Variants in DOCK9 observed in about 807,000 individuals in gnomAD.
The protein encoded by DOCK9 is dedicator of cytokinesis 9, also known as dedicator of cytokinesis protein 9.
Under a neutral mutation model 263.3 loss-of-function variants are expected in DOCK9, and 89 were observed. The ratio of observed to expected loss-of-function variants is 0.34; its 90% CI spans 0.28 to 0.40. DOCK9 has a LOEUF of 0.40. Among genes scored for constraint, DOCK9 ranks in the 10% least tolerant of loss-of-function variants. The probability of loss-of-function intolerance (pLI) is 1.00; values close to 1 mark genes in which losing one functional copy is unlikely to be tolerated. For synonymous variants in DOCK9, 976 were observed against 973.1 expected, an observed-to-expected ratio of 1.00 and a Z score of -0.06; for missense variants, 2,140 against 2,603.4, an observed-to-expected ratio of 0.82 and a Z score of 3.87.
Position 98,825,164 on chromosome 13 carries a change from G to T in DOCK9, c.5024-660C>A, listed in dbSNP as rs1179409040. ...AGCTTAGAGGCAGGATCAATGTCTGGGATAAGGATGTGTTTCTTAAGCAAT... is the reference window on the plus strand; with the variant it reads ...AGCTTAGAGGCAGGATCAATGTCTGTGATAAGGATGTGTTTCTTAAGCAAT... On this transcript the variant is annotated intron_variant, in intron 44 of 52. Transcript: ENST00000682017. The surrounding 1 kb of genome is among the most constrained non-coding windows in gnomAD (Gnocchi z 4.1). Among the ~76,000 whole-genome samples, 1 of 152,166 alleles carries T rather than the reference G, an allele frequency of 6.6e-6. No homozygotes were observed. Among genetic ancestry groups the T allele is most frequent in the Non-Finnish European group, 1.5e-5 (1 of 68,028 alleles).
At chr13:98,978,070 G>A (rs1875729898), upstream of DOCK9, 4 of 1,422,078 alleles carry the variant, frequency 2.8e-6, no homozygotes, top group Admixed American at 5.9e-5. Flanking sequence ...AGCCTGTGGG[G>A]TGGGAAGGCA....
intron 18 of DOCK9, among the ~76,000 whole-genome samples, chr13:98,887,217 G>A (rs1482258703): frequency 7.1e-6 from 1 of 141,056 alleles, no homozygotes; most frequent in Non-Finnish European, 1.5e-5. Flanking sequence ...CATAGTCACA[G>A]TAAAACAATT....
At chr13:99,072,477 C>A (rs1292974570) in intron 1 of DOCK9, among the ~76,000 whole-genome samples, 1 of 152,120 alleles carries the variant, frequency 6.6e-6, no homozygotes, top group Admixed American at 6.6e-5. Context: ...TTCCTGACTT[C>A]GGGGACAAAG....
intron 1 of DOCK9, among the ~76,000 whole-genome samples, chr13:99,014,457 C>A (rs1007929351): frequency 5.3e-5 from 8 of 152,170 alleles, no homozygotes; most frequent in Non-Finnish European, 4.4e-5. Flanking sequence ...CCACATATTG[C>A]GAGTGCTAAC....
rs1433905966 is a variant in DOCK9 at position 98,897,389 on chromosome 13, T to A, written c.1709+99A>T. On this transcript the variant is annotated intron_variant, in intron 15 of 52. Coordinates refer to ENST00000682017, the MANE Select transcript of DOCK9 (RefSeq NM_001366683.2). ...CACGCTCATTTGCCATCCCCTCTGA[T>A]GTCTAAATCGAGCAACCTAAGTGAC... The A allele has an allele frequency of 7.6e-6, 11 of 1,452,218 alleles. No homozygotes were observed. In the East Asian group the frequency reaches 2.3e-4, roughly 31 times the overall value. 90.0% of individuals were successfully genotyped at this position (1,452,218 alleles called of 1,614,324 possible).
At position 98,797,851 on chromosome 13, in the gene DOCK9, C is replaced by T. The variant is rs539937213; in HGVS notation, c.5917-362G>A. On this transcript the variant is annotated intron_variant, in intron 50 of 52. Transcript: ENST00000682017. ...GATTCTTACTTCCAAGGTGTTTAGT[C>T]ACTGGGATTTGTGCTGCACTACACT... Among the ~76,000 whole-genome samples the T allele has an allele frequency of 1.9e-4, 29 of 152,338 alleles. No homozygotes were observed. In the East Asian group the frequency reaches 5.6e-3, roughly 29 times the overall value.
chr13:98,903,964 A>G (rs2048716693), intron 10 of DOCK9, among the ~76,000 whole-genome samples: 1 of 152,178 alleles, frequency 6.6e-6, no homozygotes, highest in Non-Finnish European at 1.5e-5. Flanking sequence ...TTACTAGGGG[A>G]TGGGGGAAGA....
At chr13:98,989,349 A>G (rs7320933) in intron 1 of DOCK9, among the ~76,000 whole-genome samples, 1,922 of 98,696 alleles carry the variant, frequency 0.019, 17 homozygotes, top group South Asian at 0.035. Context: ...TGATGATGAT[A>G]ATAATAATAA....
At chr13:99,001,552 C>A (rs1262940908) in intron 1 of DOCK9, among the ~76,000 whole-genome samples, 1 of 152,188 alleles carries the variant, frequency 6.6e-6, no homozygotes, top group African/African-American at 2.4e-5. Context: ...AGAAGGCACG[C>A]CTTAGGTGTA....
At chr13:99,067,063 G>C (rs1413189789) in intron 1 of DOCK9, among the ~76,000 whole-genome samples, 1 of 152,154 alleles carries the variant, frequency 6.6e-6, no homozygotes, top group East Asian at 1.9e-4. Flanking sequence ...ATCTGCACCG[G>C]TCACAACCTT....
intron 32 of DOCK9, among the ~76,000 whole-genome samples, 178 bp from the exon 33 acceptor site, chr13:98,860,700 G>C (rs2093839099): frequency 6.6e-6 from 1 of 151,088 alleles, no homozygotes; most frequent in Non-Finnish European, 1.5e-5. Context: ...ATGGGTCAGA[G>C]GGGGAGCAGG....
chr13:98,897,196 T>A (rs1300824916), intron 15 of DOCK9, among the ~76,000 whole-genome samples: 1 of 152,202 alleles, frequency 6.6e-6, no homozygotes, highest in Admixed American at 6.5e-5. Flanking sequence ...GAGTCCTTTC[T>A]CACCTCTTGA....
intron 27 of DOCK9, among the ~76,000 whole-genome samples, chr13:98,869,943 G>T (rs189237265): frequency 2.0e-5 from 3 of 152,228 alleles, no homozygotes; most frequent in African/African-American, 7.2e-5. Flanking sequence ...AACTGGATTG[G>T]AGGAGCTTGA....
At chr13:98,838,442 C>T (rs999664484) in intron 38 of DOCK9, among the ~76,000 whole-genome samples, 5 of 152,290 alleles carry the variant, frequency 3.3e-5, no homozygotes, top group African/African-American at 7.2e-5. Context: ...GAGTTGACTG[C>T]GCTGTGCATA....
At position 98,831,297 on chromosome 13, in the gene DOCK9, C is replaced by T. The variant is rs1335194198; in HGVS notation, c.4635+51G>A. On this transcript the variant is annotated intron_variant, in intron 41 of 52. Coordinates refer to ENST00000682017, the MANE Select transcript of DOCK9 (RefSeq NM_001366683.2). ...TGTGATACTCAAAGTTTTCCTGATA[C>T]AGCAGGATTCTACAGAGTAAATCTG... is the stretch of plus-strand genomic sequence containing the variant. 5 of 1,524,228 alleles carry T rather than the reference C, an allele frequency of 3.3e-6. No individual in the cohort carries two copies. In the Admixed American group the frequency reaches 7.9e-5, roughly 24 times the overall value. 94.4% of individuals were successfully genotyped at this position (1,524,228 alleles called of 1,614,324 possible). A position where few individuals can be genotyped will look rare whatever the true frequency, so the allele number is the denominator to read the frequency against.
chr13:98,802,259 T>A (rs2090198020), intron 49 of DOCK9, among the ~76,000 whole-genome samples: 2 of 152,232 alleles, frequency 1.3e-5, no homozygotes. Context: ...CTGGCTAGAA[T>A]GCCAGCTGCA....
intron 1 of DOCK9, among the ~76,000 whole-genome samples, chr13:99,038,288 C>CTT (rs71419743): frequency 0.014 from 1,211 of 85,992 alleles, 50 homozygotes; most frequent in African/African-American, 0.019. Context: ...TTATGCCCCC[C>CTT]TTTTTTTTTT....
chr13:99,043,579 G>C (rs975421619), intron 1 of DOCK9, among the ~76,000 whole-genome samples: 1 of 152,198 alleles, frequency 6.6e-6, no homozygotes, highest in Non-Finnish European at 1.5e-5. Context: ...GTCGGGGAGA[G>C]AGGGAGGCTG....
At chr13:98,937,936 G>A (rs2055163747) in intron 2 of DOCK9, among the ~76,000 whole-genome samples, 1 of 152,198 alleles carries the variant, frequency 6.6e-6, no homozygotes, top group African/African-American at 2.4e-5. Flanking sequence ...AAGCCACTTA[G>A]CCCTGGGCAG....
Sources: gnomAD v4.1 joint callset for allele counts (sites outside exome capture counted in the v4.1 genomes callset) on GRCh38, gnomAD v4.1.1 for gene constraint, Gnocchi (gnomAD v3.1) non-coding constraint, MANE v1.5 for transcripts, NCBI Gene and HGNC (gene_info 2026-07-23, HGNC 2026-07-21) for gene names.